Variants in ACOT12 observed in about 807,000 individuals in gnomAD.
The protein encoded by ACOT12 is acyl-CoA thioesterase 12.
In ACOT12, 51 loss-of-function variants were observed where a neutral mutation model predicts 67.7. The ratio of observed to expected loss-of-function variants is 0.75; its 90% CI spans 0.60 to 0.95. ACOT12 has a LOEUF of 0.95. Ranked by LOEUF, ACOT12 falls within the 40% of genes least tolerant of loss-of-function variation. The pLI, the probability that ACOT12 is intolerant of heterozygous loss-of-function variation, is 0.00. For missense variants in ACOT12, 734 were observed against 708.1 expected, an observed-to-expected ratio of 1.04 and a Z score of -0.41; for synonymous variants, 251 against 244.6, an observed-to-expected ratio of 1.03 and a Z score of -0.24.
At chr5:81,312,091 T>C in the ACOT12 span, among the ~76,000 whole-genome samples, 1 of 152,188 alleles carries the variant, frequency 6.6e-6, no homozygotes, top group South Asian at 2.1e-4. Flanking sequence ...GGCAGTGAGA[T>C]TGAAATGATG....
chr5:81,335,650 A>T, intron 12 of ACOT12, 118 bp downstream of exon 12: 2 of 1,298,704 alleles, frequency 1.5e-6, no homozygotes, highest in Non-Finnish European at 1.1e-6. Flanking sequence ...TCAAACTTCT[A>T]AAAATACTCT....
the ACOT12 span, among the ~76,000 whole-genome samples, chr5:81,316,449 T>C: frequency 2.6e-5 from 4 of 152,260 alleles, no homozygotes; most frequent in African/African-American, 7.2e-5. Flanking sequence ...ACATGATGTT[T>C]TCAAGATTCA....
chr5:81,371,702 TGAA>T (rs1760259029), intron 3 of ACOT12, 45 bp downstream of exon 3: 2 of 1,561,780 alleles, frequency 1.3e-6, no homozygotes, highest in East Asian at 4.5e-5. Flanking sequence ...TTGTAAACAA[TGAA>T]GAAGTGAGCA....
chr5:81,385,371 GCAGGAGGATCACTTGAGCC>G (rs1760699450), intron 2 of ACOT12, among the ~76,000 whole-genome samples: 1 of 152,204 alleles, frequency 6.6e-6, no homozygotes, highest in Non-Finnish European at 1.5e-5. Context: ...GGAGGCTGAG[GCAGGAGGATCACTTGAGCC>G]CAGGAGGAAT....
At chr5:81,322,897 C>T in the ACOT12 span, among the ~76,000 whole-genome samples, 1 of 151,956 alleles carries the variant, frequency 6.6e-6, no homozygotes, top group South Asian at 2.1e-4. Flanking sequence ...CGGGAGAATT[C>T]GCCTCATGAT....
intron 4 of ACOT12, 41 bp downstream of exon 4, chr5:81,363,747 C>G: frequency 6.8e-7 from 1 of 1,474,774 alleles, no homozygotes; most frequent in Non-Finnish European, 9.3e-7. Context: ...TACTATGTCC[C>G]TGAATTACAT....
intron 2 of ACOT12, among the ~76,000 whole-genome samples, chr5:81,380,064 A>G (rs931288600): frequency 2.6e-5 from 4 of 152,210 alleles, no homozygotes; most frequent in African/African-American, 7.2e-5. Flanking sequence ...TAATACATAC[A>G]TATGTATATT....
intron 3 of ACOT12, 88 bp downstream of exon 3, chr5:81,371,662 A>T (rs1311344921): frequency 1.0e-5 from 13 of 1,303,698 alleles, no homozygotes; most frequent in Non-Finnish European, 1.2e-5. Context: ...ACTAACTCCA[A>T]ATATTAGTCT....
At chr5:81,384,082 G>A (rs1260644596) in intron 2 of ACOT12, among the ~76,000 whole-genome samples, 2 of 149,730 alleles carry the variant, frequency 1.3e-5, no homozygotes, top group Non-Finnish European at 3.0e-5. Context: ...AGCCTTCCAA[G>A]CTCCATTCAT....
At chr5:81,384,462 A>C (rs921594294) in intron 2 of ACOT12, among the ~76,000 whole-genome samples, 3 of 151,940 alleles carry the variant, frequency 2.0e-5, no homozygotes, top group African/African-American at 7.3e-5. Context: ...TTCATCTTTT[A>C]TACTGTATTT....
At chr5:81,372,260 CAAT>C (rs1760277857) in intron 2 of ACOT12, among the ~76,000 whole-genome samples, 1 of 152,174 alleles carries the variant, frequency 6.6e-6, no homozygotes, top group Non-Finnish European at 1.5e-5. Flanking sequence ...TATGGGCCCT[CAAT>C]GATGCTAGGT....
At chr5:81,390,921 T>C (rs1188466369) in intron 1 of ACOT12, among the ~76,000 whole-genome samples, 1 of 152,248 alleles carries the variant, frequency 6.6e-6, no homozygotes, top group Non-Finnish European at 1.5e-5. Context: ...GAATAAATCA[T>C]GTTTCCCTCT....
intron 9 of ACOT12, 46 bp from the exon 10 acceptor site, chr5:81,343,927 AT>A: frequency 6.5e-7 from 1 of 1,530,894 alleles, no homozygotes; most frequent in South Asian, 1.1e-5. Flanking sequence ...TTTTCTCTGC[AT>A]TTAGCACACA....
At chr5:81,386,944 A>G (rs1760738995) in intron 1 of ACOT12, among the ~76,000 whole-genome samples, 1 of 151,918 alleles carries the variant, frequency 6.6e-6, no homozygotes, top group African/African-American at 2.4e-5. Context: ...CAATGCACCA[A>G]ACATTTGTTA....
intron 12 of ACOT12, 31 bp downstream of exon 12, chr5:81,335,737 G>A: frequency 2.5e-6 from 4 of 1,602,950 alleles, no homozygotes; most frequent in Non-Finnish European, 3.4e-6. Flanking sequence ...TGTCAAGGTT[G>A]ATTGAGAAAA....
At position 81,332,515 on chromosome 5, in the gene ACOT12, C is replaced by T. The variant is rs1758861252; in HGVS notation, c.1353G>A (p.Leu451=). Residue 451 remains leucine, a synonymous_variant, in exon 13 of 15, where the codon TTG becomes TTA. Coordinates refer to ENST00000307624, the MANE Select transcript of ACOT12 (RefSeq NM_130767.3). ...PILNDDKPKD[L]VVLVSRRKPL... ...GTTTTCTTCGTGATACGAGTACTAC[C>T]AAGTCTTTGGGTTTGTCATCATTCA... 1 of 1,614,008 alleles carries T rather than the reference C, an allele frequency of 6.2e-7. No homozygotes were observed. The highest frequency in any genetic ancestry group is 8.5e-7 in the Non-Finnish European group (1 of 1,179,964).
intron 11 of ACOT12, among the ~76,000 whole-genome samples, chr5:81,339,374 G>T (rs1020544345): frequency 2.0e-5 from 3 of 152,138 alleles, no homozygotes; most frequent in Non-Finnish European, 2.9e-5. Context: ...GTTTTCAAGT[G>T]GTTCATGTCA....
At chr5:81,379,477 A>G (rs1422531513) in intron 2 of ACOT12, among the ~76,000 whole-genome samples, 1 of 151,994 alleles carries the variant, frequency 6.6e-6, no homozygotes, top group African/African-American at 2.4e-5. Flanking sequence ...CTTAAAGTAC[A>G]ATAATAATAA....
chr5:81,316,369 C>G, the ACOT12 span, among the ~76,000 whole-genome samples: 1 of 152,196 alleles, frequency 6.6e-6, no homozygotes, highest in Non-Finnish European at 1.5e-5. Flanking sequence ...ATACAGTTGC[C>G]TGTTCTGGAC....
Sources: allele counts gnomAD v4.1 joint callset (sites outside exome capture counted in the v4.1 genomes callset), GRCh38; gene constraint gnomAD v4.1.1; transcripts MANE v1.5; gene names NCBI Gene and HGNC (gene_info 2026-07-23, HGNC 2026-07-21).